Variants in KAZN observed in about 807,000 individuals in gnomAD.
KAZN encodes the protein kazrin.
A neutral mutation model predicts 87.4 loss-of-function variants in KAZN; 40 were observed. That is an observed-to-expected ratio of 0.46 (90% confidence interval 0.36 to 0.60). KAZN has a LOEUF of 0.60. KAZN is among the 20% of genes least tolerant of loss of function. The pLI, the probability that KAZN is intolerant of heterozygous loss-of-function variation, is 0.00. For synonymous variants in KAZN, 466 were observed against 458.3 expected, an observed-to-expected ratio of 1.02 and a Z score of -0.22; for missense variants, 898 against 1,073.9, an observed-to-expected ratio of 0.84 and a Z score of 2.29.
intron 2 of KAZN, among the ~76,000 whole-genome samples, chr1:14,480,374 T>C (rs1034814907): frequency 6.6e-6 from 1 of 152,000 alleles, no homozygotes; most frequent in African/African-American, 2.4e-5. Flanking sequence ...CTGGCCTCAA[T>C]TTGCTTACAT....
intron 1 of KAZN, among the ~76,000 whole-genome samples, chr1:14,011,864 C>T (rs912265062): frequency 6.6e-6 from 1 of 152,184 alleles, no homozygotes; most frequent in Non-Finnish European, 1.5e-5. Context: ...GGAATACAGG[C>T]TGGCAGATGT....
At chr1:15,036,045 C>T (rs978902542) in intron 3 of KAZN, among the ~76,000 whole-genome samples, 21 of 152,034 alleles carry the variant, frequency 1.4e-4, no homozygotes, top group South Asian at 4.2e-4. Flanking sequence ...TGGTCTTCAC[C>T]GCTGATTCCT....
At chr1:15,044,567 A>G (rs1369046415) in intron 4 of KAZN, among the ~76,000 whole-genome samples, 2 of 152,052 alleles carry the variant, frequency 1.3e-5, no homozygotes, top group South Asian at 4.1e-4. Flanking sequence ...CCTGGGCAAC[A>G]TGGCAAAACC....
At position 13,964,819 on chromosome 1, in the gene KAZN, C is replaced by A. The variant is rs146287210; in HGVS notation, c.91+71063C>A. ...GAAAGTGAGGGGTGATAATTGTGGT[C>A]ACTCTTGCAGTCAATCTACCACAGT... On this transcript the variant is annotated intron_variant, in intron 1 of 16. Transcript: ENST00000636203. 7.9e-5 allele frequency among the ~76,000 whole-genome samples: 12 copies of A among 152,282 alleles called. No individual in the cohort carries two copies. The East Asian group carries it at 2.3e-3, about 29-fold the overall frequency.
intron 1 of KAZN, among the ~76,000 whole-genome samples, chr1:14,042,336 G>A (rs1287124826): frequency 1.3e-5 from 2 of 152,074 alleles, no homozygotes; most frequent in Non-Finnish European, 2.9e-5. Context: ...CACTTCCTAT[G>A]CTGGGTTACA....
rs185348673 is a variant in KAZN at position 14,601,885 on chromosome 1, A to C, written c.226+2662A>C. Among the ~76,000 whole-genome samples the C allele has an allele frequency of 2.0e-5, 3 of 152,378 alleles. No homozygotes were observed. The East Asian group carries it at 5.8e-4, about 29-fold the overall frequency. On this transcript the variant is annotated intron_variant, in intron 1 of 14. Coordinates refer to ENST00000376030, the MANE Select transcript of KAZN (RefSeq NM_201628.3). ...ATCTTTTAACGAAAGGGCATTATGC[A>C]CATATTAAATGCATGCTAATGTAAC...
At chr1:14,475,567 A>G (rs1668672660) in intron 2 of KAZN, among the ~76,000 whole-genome samples, 1 of 152,206 alleles carries the variant, frequency 6.6e-6, no homozygotes, top group African/African-American at 2.4e-5. Context: ...CAAAACAATA[A>G]CATTTATATC....
intron 2 of KAZN, among the ~76,000 whole-genome samples, chr1:14,289,846 TC>T (rs1378834009): frequency 6.6e-6 from 1 of 152,238 alleles, no homozygotes; most frequent in Non-Finnish European, 1.5e-5. Flanking sequence ...GTTTAGTGCT[TC>T]CTTCAGGAGC....
Position 15,026,478 on chromosome 1 carries a change from C to T in KAZN, c.419-8271C>T, listed in dbSNP as rs557214805. On this transcript the variant is annotated intron_variant, in intron 2 of 14. Transcript: ENST00000376030. ...GGAAGCTCACAGACTCCAACACCCT[C>T]ATTATGCTGGGGGAAAACCGAGGCT... Among the ~76,000 whole-genome samples the T allele has an allele frequency of 1.4e-4, 22 of 152,254 alleles. No individual in the cohort carries two copies. In the East Asian group the frequency reaches 4.2e-3, roughly 29 times the overall value.
At chr1:14,108,927 T>A (rs1255915505) in intron 1 of KAZN, among the ~76,000 whole-genome samples, 1 of 152,344 alleles carries the variant, frequency 6.6e-6, no homozygotes, top group East Asian at 1.9e-4. Flanking sequence ...CTGTGCTGCC[T>A]ATGCCATAGG....
At chr1:13,974,208 G>T (rs139658872) in intron 1 of KAZN, among the ~76,000 whole-genome samples, 20 of 152,306 alleles carry the variant, frequency 1.3e-4, no homozygotes, top group African/African-American at 4.6e-4. Flanking sequence ...TGCCTAGCAT[G>T]TACCAAAACT....
At chr1:14,493,713 C>T (rs1669799938) in intron 2 of KAZN, among the ~76,000 whole-genome samples, 1 of 152,106 alleles carries the variant, frequency 6.6e-6, no homozygotes, top group Non-Finnish European at 1.5e-5. Flanking sequence ...TGTCTTATTT[C>T]TTATATTCTT....
At chr1:14,822,629 CACCTT>C (rs1646767998) in intron 1 of KAZN, among the ~76,000 whole-genome samples, 1 of 152,224 alleles carries the variant, frequency 6.6e-6, no homozygotes, top group Non-Finnish European at 1.5e-5. Context: ...AACTCTGACT[CACCTT>C]GCCCACACAA....
At chr1:14,485,058 A>G (rs767293199) in intron 2 of KAZN, among the ~76,000 whole-genome samples, 2 of 152,168 alleles carry the variant, frequency 1.3e-5, no homozygotes, top group Non-Finnish European at 2.9e-5. Context: ...GAAAATGAAG[A>G]ATTGAGGCCA....
At chr1:13,934,231 G>A (rs1310394838) in intron 1 of KAZN, among the ~76,000 whole-genome samples, 1 of 152,214 alleles carries the variant, frequency 6.6e-6, no homozygotes, top group African/African-American at 2.4e-5. Context: ...AGGGTAAAGT[G>A]AGGTTGAGTT....
upstream of KAZN, among the ~76,000 whole-genome samples, chr1:14,596,300 A>G (rs980151292): frequency 2.1e-5 from 2 of 96,458 alleles, no homozygotes; most frequent in African/African-American, 9.6e-5. Flanking sequence ...GTGCACGCAC[A>G]CGTGTGCGCA....
At chr1:14,909,655 C>T (rs1657021788) in intron 1 of KAZN, among the ~76,000 whole-genome samples, 1 of 152,216 alleles carries the variant, frequency 6.6e-6, no homozygotes, top group African/African-American at 2.4e-5. Context: ...CAACTGGCCA[C>T]CTCCAGAGCA....
chr1:14,859,665 T>A (rs1424370337), intron 1 of KAZN, among the ~76,000 whole-genome samples: 1 of 152,238 alleles, frequency 6.6e-6, no homozygotes, highest in African/African-American at 2.4e-5. Context: ...GATTGCCTGA[T>A]ATCAAAAGCC....
chr1:14,221,292 A>T (rs999803582), intron 2 of KAZN, among the ~76,000 whole-genome samples: 6 of 152,164 alleles, frequency 3.9e-5, no homozygotes, highest in Admixed American at 2.0e-4. Flanking sequence ...TAATATAAGC[A>T]TTGTGCTAGA....
Sources: allele counts gnomAD v4.1 joint callset (sites outside exome capture counted in the v4.1 genomes callset), GRCh38; gene constraint gnomAD v4.1.1; transcripts MANE v1.5; gene names NCBI Gene and HGNC (gene_info 2026-07-23, HGNC 2026-07-21).